CPA6: variants seen among roughly 807,000 people sequenced by gnomAD.
CPA6 encodes carboxypeptidase B.
In CPA6, 58 loss-of-function variants were observed where a neutral mutation model predicts 63.3. The ratio of observed to expected loss-of-function variants is 0.92; its 90% CI spans 0.74 to 1.14. CPA6 has a LOEUF of 1.14. Among genes scored for constraint, CPA6 ranks in the 50% most tolerant of loss-of-function variants. The pLI, the probability that CPA6 is intolerant of heterozygous loss-of-function variation, is 0.00. For synonymous variants in CPA6, 185 were observed against 179.0 expected (o/e 1.03, Z -0.27); for missense variants, 565 against 526.6 (o/e 1.07, Z -0.71).
At chr8:67,638,477 G>A (rs1815519313) in intron 1 of CPA6, among the ~76,000 whole-genome samples, 1 of 151,492 alleles carries the variant, frequency 6.6e-6, no homozygotes, top group South Asian at 2.1e-4. Flanking sequence ...GTAGTCATCC[G>A]GTTAGAAGTT....
At chr8:67,628,223 AAAG>A (rs1303211021) in intron 1 of CPA6, among the ~76,000 whole-genome samples, 1 of 152,016 alleles carries the variant, frequency 6.6e-6, no homozygotes, top group Non-Finnish European at 1.5e-5. Context: ...AAAAAAAAAA[AAAG>A]TTCTAAGACT....
chr8:67,542,359 G>A (rs1407880932), intron 2 of CPA6, among the ~76,000 whole-genome samples: 3 of 152,168 alleles, frequency 2.0e-5, no homozygotes, highest in Non-Finnish European at 2.9e-5. Flanking sequence ...TCTTAGTAGC[G>A]CTAAACCAGC....
At chr8:67,628,258 T>A (rs1815238905) in intron 1 of CPA6, among the ~76,000 whole-genome samples, 1 of 151,952 alleles carries the variant, frequency 6.6e-6, no homozygotes, top group Admixed American at 6.6e-5. Flanking sequence ...GTTTGACACC[T>A]CCCATATTGA....
rs201108627 is a variant in CPA6 at position 67,644,122 on chromosome 8, AT to A, written c.117-19872del. ...AAACTCATTTCATTATTGCTGTCTT[AT>A]TTTTTTTTTTTTTGAGACAGAGTCT... On this transcript the variant is annotated intron_variant, in intron 1 of 10. Transcript: ENST00000297770. Among the ~76,000 whole-genome samples the A allele has an allele frequency of 3.4e-3, 490 of 144,144 alleles. 1 individual carries two copies. The highest frequency in any genetic ancestry group is 4.3e-3 in the Non-Finnish European group (279 of 65,522). 94.6% of individuals were successfully genotyped at this position (144,144 alleles called of 152,430 possible).
At chr8:67,473,669 A>G (rs1248266268) in intron 8 of CPA6, among the ~76,000 whole-genome samples, 1 of 152,106 alleles carries the variant, frequency 6.6e-6, no homozygotes, top group Admixed American at 6.5e-5. Context: ...TAGTAGTTTG[A>G]TCTTGGCTGA....
chr8:67,426,731 C>G (rs1809895170), intron 10 of CPA6, among the ~76,000 whole-genome samples: 1 of 152,204 alleles, frequency 6.6e-6, no homozygotes, highest in Non-Finnish European at 1.5e-5. Flanking sequence ...ACTACCTACA[C>G]ATATACATAC....
At chr8:67,722,937 A>G (rs1359626242) in intron 1 of CPA6, among the ~76,000 whole-genome samples, 1 of 151,658 alleles carries the variant, frequency 6.6e-6, no homozygotes, top group Non-Finnish European at 1.5e-5. Context: ...AATTACCACT[A>G]CCACCATTTC....
intron 2 of CPA6, among the ~76,000 whole-genome samples, chr8:67,566,815 C>A (rs573416550): frequency 6.6e-6 from 1 of 151,724 alleles, no homozygotes; most frequent in Admixed American, 6.5e-5. Flanking sequence ...TGCATGAACT[C>A]TAACCTCTTC....
At position 67,422,667 on chromosome 8, in the gene CPA6, T is replaced by C; in HGVS notation, c.1151A>G (p.Asp384Gly). 2 of 1,613,136 alleles carry C rather than the reference T, an allele frequency of 1.2e-6. No homozygotes were observed. The change falls in exon 11 of 11, where the codon GAT becomes GGT. Residue 384 changes from aspartate (D) to glycine (G), a missense_variant. Asp to Gly is a moderately conservative substitution (Grantham distance 94). Coordinates refer to ENST00000297770, the MANE Select transcript of CPA6 (RefSeq NM_020361.5). ...TLYVSSGSSMDWAYKNGIPYA... is the reference protein window; with the variant it reads ...TLYVSSGSSMGWAYKNGIPYA... The stretch of plus-strand genomic sequence containing the variant: ...AGGTATTCCATTTTTGTAGGCCCAA[T>C]CCATTGAGCTACCAGAGCTCACATC...
chr8:67,689,467 T>C (rs1816773899), intron 1 of CPA6, among the ~76,000 whole-genome samples: 1 of 152,156 alleles, frequency 6.6e-6, no homozygotes, highest in African/African-American at 2.4e-5. Flanking sequence ...ATTGTTCCCA[T>C]CTTTATGGCC....
chr8:67,574,376 CA>C (rs1181267622), intron 2 of CPA6, among the ~76,000 whole-genome samples: 8,564 of 65,140 alleles, frequency 0.13, 320 homozygotes, highest in African/African-American at 0.25. Flanking sequence ...GACTCTGTCT[CA>C]AAAAAAAAAA....
chr8:67,594,938 T>C (rs942479174), intron 2 of CPA6, among the ~76,000 whole-genome samples: 1 of 152,332 alleles, frequency 6.6e-6, no homozygotes, highest in Admixed American at 6.5e-5. Flanking sequence ...TGTGTTCCTT[T>C]GGAGGAGGAG....
intron 1 of CPA6, among the ~76,000 whole-genome samples, chr8:67,737,522 G>T (rs560852330): frequency 6.6e-6 from 1 of 152,144 alleles, no homozygotes; most frequent in African/African-American, 2.4e-5. Flanking sequence ...TCTGGGTTAG[G>T]TGACCCTCTC....
chr8:67,588,285 G>A (rs538550173), intron 2 of CPA6, among the ~76,000 whole-genome samples: 54 of 152,094 alleles, frequency 3.6e-4, no homozygotes, highest in Non-Finnish European at 6.9e-4. Context: ...GAAGTCAGTC[G>A]GTTACTGATT....
intron 6 of CPA6, among the ~76,000 whole-genome samples, chr8:67,500,451 T>C (rs1464422670): frequency 6.6e-6 from 1 of 152,180 alleles, no homozygotes; most frequent in Non-Finnish European, 1.5e-5. Flanking sequence ...AGATCTGTGA[T>C]TTGCATATGT....
chr8:67,610,769 C>A (rs993442516), intron 2 of CPA6, among the ~76,000 whole-genome samples: 2 of 151,206 alleles, frequency 1.3e-5, no homozygotes, highest in Non-Finnish European at 3.0e-5. Context: ...CAACAAAAAC[C>A]TTTTTTTTTG....
At chr8:67,439,628 A>T (rs1009303331) in intron 8 of CPA6, among the ~76,000 whole-genome samples, 1 of 151,650 alleles carries the variant, frequency 6.6e-6, no homozygotes, top group Non-Finnish European at 1.5e-5. Context: ...GAAAGAAAAG[A>T]AACACTGGAA....
chr8:67,456,789 A>T (rs1379622693), intron 8 of CPA6, among the ~76,000 whole-genome samples: 2 of 152,232 alleles, frequency 1.3e-5, no homozygotes, highest in Non-Finnish European at 2.9e-5. Flanking sequence ...ATTCCGGATT[A>T]TCTGAATAGG....
chr8:67,483,916 C>T, intron 7 of CPA6, 58 bp from the exon 8 acceptor site: 2 of 1,326,304 alleles, frequency 1.5e-6, no homozygotes. Flanking sequence ...TATTCGCATG[C>T]ATTTTAATAG....
Sources: allele counts gnomAD v4.1 joint callset (sites outside exome capture counted in the v4.1 genomes callset), GRCh38; gene constraint gnomAD v4.1.1; transcripts MANE v1.5; gene names NCBI Gene and HGNC (gene_info 2026-07-23, HGNC 2026-07-21).